The following NAA11 variants were observed in gnomAD, a reference collection of about 807,000 sequenced individuals.
The protein encoded by NAA11 is N-alpha-acetyltransferase 11, NatA catalytic subunit.
A neutral mutation model predicts 16.1 loss-of-function variants in NAA11; 15 were observed. The observed-to-expected ratio is 0.93, with a 90% CI of 0.62 to 1.44. The LOEUF (loss-of-function observed/expected upper bound fraction) is 1.44, where lower values mean the gene tolerates loss of function less well. Ranked by LOEUF, NAA11 falls within the 40% of genes most tolerant of loss-of-function variation. The probability of loss-of-function intolerance (pLI) is 0.00; values close to 1 mark genes in which losing one functional copy is unlikely to be tolerated. For synonymous variants in NAA11, 122 were observed against 112.4 expected (o/e 1.09, Z -0.54); for missense variants, 298 against 291.3 (o/e 1.02, Z -0.17).
At chr4:79,179,659 A>G in the NAA11 span, among the ~76,000 whole-genome samples, 1 of 152,196 alleles carries the variant, frequency 6.6e-6, no homozygotes, top group African/African-American at 2.4e-5. Flanking sequence ...ATGCTTCCCA[A>G]GGAAGTATAA....
At chr4:79,299,391 T>C (rs371416844) in intron 1 of NAA11, 1 of 152,154 alleles carries the variant, frequency 6.6e-6, no homozygotes, top group Non-Finnish European at 1.5e-5. Flanking sequence ...TGAAAGACTT[T>C]GGAAGTTTAC....
chr4:79,224,796 A>G (rs1039655271), downstream of NAA11, among the ~76,000 whole-genome samples: 3 of 152,138 alleles, frequency 2.0e-5, no homozygotes, highest in Non-Finnish European at 2.9e-5. Context: ...GTGATCAATC[A>G]TGTTGCTAGT....
At chr4:79,185,839 C>G in the NAA11 span, among the ~76,000 whole-genome samples, 1 of 151,866 alleles carries the variant, frequency 6.6e-6, no homozygotes, top group African/African-American at 2.4e-5. Flanking sequence ...TGTCTGAAAG[C>G]TGGTTAAGTA....
the NAA11 span, among the ~76,000 whole-genome samples, chr4:79,195,090 A>G: frequency 2.0e-5 from 3 of 152,160 alleles, no homozygotes; most frequent in Non-Finnish European, 2.9e-5. Context: ...GAGAGATTCA[A>G]TTAAAATCAC....
chr4:79,185,796 G>A, the NAA11 span, among the ~76,000 whole-genome samples: 1 of 151,924 alleles, frequency 6.6e-6, no homozygotes. Flanking sequence ...AGCCTGGCAG[G>A]AAACTCTTTC....
At chr4:79,175,362 G>A in the NAA11 span, among the ~76,000 whole-genome samples, 10 of 152,124 alleles carry the variant, frequency 6.6e-5, no homozygotes, top group East Asian at 3.9e-4. Flanking sequence ...TTTATTTTCC[G>A]TGGATAATGA....
chr4:79,198,435 G>A, the NAA11 span, among the ~76,000 whole-genome samples: 5 of 151,960 alleles, frequency 3.3e-5, no homozygotes, highest in Non-Finnish European at 5.9e-5. Flanking sequence ...GAAGAATTAA[G>A]AGATTGTTGG....
intron 2 of NAA11, among the ~76,000 whole-genome samples, chr4:79,274,370 G>A (rs993159830): frequency 6.6e-6 from 1 of 152,090 alleles, no homozygotes; most frequent in Non-Finnish European, 1.5e-5. Context: ...TATGAAGCAA[G>A]AAGGAAAACT....
the NAA11 span, among the ~76,000 whole-genome samples, chr4:79,157,207 AG>A: frequency 1.3e-5 from 2 of 152,106 alleles, no homozygotes; most frequent in African/African-American, 4.8e-5. Flanking sequence ...CCATTACCCA[AG>A]CAGTATACAC....
chr4:79,183,599 T>G, the NAA11 span, among the ~76,000 whole-genome samples: 3 of 152,092 alleles, frequency 2.0e-5, no homozygotes, highest in African/African-American at 7.2e-5. Context: ...GCTAGGATGC[T>G]CTTGTGTTAT....
downstream of NAA11, among the ~76,000 whole-genome samples, chr4:79,314,940 T>C: frequency 6.6e-6 from 1 of 152,096 alleles, no homozygotes; most frequent in South Asian, 2.1e-4. Context: ...TTTATTGAAA[T>C]TATTAGGCCA....
At chr4:79,205,772 T>C in the NAA11 span, among the ~76,000 whole-genome samples, 3 of 152,084 alleles carry the variant, frequency 2.0e-5, no homozygotes, top group Non-Finnish European at 4.4e-5. Flanking sequence ...TAATTCATCT[T>C]GAGTTACTTT....
the NAA11 span, among the ~76,000 whole-genome samples, chr4:79,194,669 A>G: frequency 6.6e-6 from 1 of 152,130 alleles, no homozygotes; most frequent in Non-Finnish European, 1.5e-5. Flanking sequence ...AAAATACTCT[A>G]GGGGCTTAAG....
intron 2 of NAA11, among the ~76,000 whole-genome samples, chr4:79,276,619 G>C (rs904547339): frequency 6.6e-6 from 1 of 152,280 alleles, no homozygotes; most frequent in Admixed American, 6.5e-5. Context: ...TGGATGTGTG[G>C]TGGTATTGTG....
chr4:79,263,637 C>T (rs2109975535), intron 2 of NAA11, among the ~76,000 whole-genome samples: 1 of 152,224 alleles, frequency 6.6e-6, no homozygotes, highest in East Asian at 1.9e-4. Flanking sequence ...TCAAAAAACA[C>T]TTTCTCCTTC....
At chr4:79,265,686 G>A (rs1246067473) in intron 2 of NAA11, among the ~76,000 whole-genome samples, 1 of 152,072 alleles carries the variant, frequency 6.6e-6, no homozygotes, top group East Asian at 1.9e-4. Flanking sequence ...CAATTTATGA[G>A]AAAGAGGTTT....
chr4:79,207,517 A>AG, the NAA11 span, among the ~76,000 whole-genome samples: 1 of 152,118 alleles, frequency 6.6e-6, no homozygotes, highest in Non-Finnish European at 1.5e-5. Flanking sequence ...TCTTCAGGCC[A>AG]GGAAGAGAGG....
the NAA11 span, among the ~76,000 whole-genome samples, chr4:79,219,919 A>G: frequency 6.6e-6 from 1 of 152,152 alleles, no homozygotes. Flanking sequence ...CAAATATCAA[A>G]CCATATCCAA....
the NAA11 span, among the ~76,000 whole-genome samples, chr4:79,167,471 G>A: frequency 6.6e-6 from 1 of 151,646 alleles, no homozygotes; most frequent in East Asian, 1.9e-4. Flanking sequence ...AATAGTATCT[G>A]CACCATACCT....
Sources: allele counts gnomAD v4.1 joint callset (sites outside exome capture counted in the v4.1 genomes callset), GRCh38; gene constraint gnomAD v4.1.1; transcripts MANE v1.5; gene names NCBI Gene and HGNC (gene_info 2026-07-23, HGNC 2026-07-21).